The following PRORP variants were observed in gnomAD, a reference collection of about 807,000 sequenced individuals.
The protein encoded by PRORP is protein only RNase P catalytic subunit.
Under a neutral mutation model 59.4 loss-of-function variants are expected in PRORP, and 51 were observed. The ratio of observed to expected loss-of-function variants is 0.86; its 90% CI spans 0.69 to 1.08. The LOEUF (loss-of-function observed/expected upper bound fraction) is 1.08, where lower values mean the gene tolerates loss of function less well. PRORP is among the 50% of genes least tolerant of loss of function. PRORP has a pLI of 0.00. For missense variants in PRORP, 646 were observed against 690.3 expected (o/e 0.94, Z 0.72); for synonymous variants, 231 against 245.6 (o/e 0.94, Z 0.55).
At chr14:35,164,146 A>G (rs1370869862) in intron 4 of PRORP, among the ~76,000 whole-genome samples, 1 of 152,176 alleles carries the variant, frequency 6.6e-6, no homozygotes, top group East Asian at 1.9e-4. Context: ...TTTTTGTACC[A>G]GTATGAGGCT....
At chr14:35,196,279 G>A (rs946416343) in intron 5 of PRORP, among the ~76,000 whole-genome samples, 6 of 152,146 alleles carry the variant, frequency 3.9e-5, no homozygotes, top group African/African-American at 7.2e-5. Flanking sequence ...GTTAGAGACC[G>A]GCCTGGGCAA....
chr14:35,133,966 C>T (rs1348927080), intron 4 of PRORP, among the ~76,000 whole-genome samples: 2 of 152,200 alleles, frequency 1.3e-5, no homozygotes, highest in Non-Finnish European at 2.9e-5. Context: ...CCAAAGCCTG[C>T]TTAACTACTC....
intron 5 of PRORP, among the ~76,000 whole-genome samples, chr14:35,244,036 T>C (rs1243092872): frequency 2.0e-5 from 3 of 152,214 alleles, no homozygotes; most frequent in Non-Finnish European, 4.4e-5. Context: ...GATTCAAGTA[T>C]AGTGAATACA....
At position 35,165,560 on chromosome 14, in the gene PRORP, A is replaced by C. The variant is rs185197308; in HGVS notation, c.1168-15110A>C. ...ACTATGTAAGTTTATGATATTATTT[A>C]TTTGACTTGGAAGTGTGTAGGATTT... On this transcript the variant is annotated intron_variant, in intron 4 of 7. Coordinates refer to ENST00000534898, the MANE Select transcript of PRORP (RefSeq NM_014672.4). Among the ~76,000 whole-genome samples the C allele has an allele frequency of 2.6e-5, 4 of 152,306 alleles. No homozygotes were observed. In the East Asian group the frequency reaches 7.7e-4, roughly 29 times the overall value.
At chr14:35,271,159 T>C (rs937780689) in intron 7 of PRORP, among the ~76,000 whole-genome samples, 2 of 144,032 alleles carry the variant, frequency 1.4e-5, no homozygotes, top group Non-Finnish European at 3.1e-5. Flanking sequence ...ATGACTTCTT[T>C]TTTTTTTTTT....
chr14:35,215,805 C>T (rs559022724), intron 5 of PRORP, among the ~76,000 whole-genome samples: 10 of 151,636 alleles, frequency 6.6e-5, no homozygotes, highest in South Asian at 2.1e-4. Flanking sequence ...CTCACCCTGT[C>T]GCCCAGACTA....
chr14:35,176,754 C>T (rs1006816044), intron 4 of PRORP, among the ~76,000 whole-genome samples: 4 of 152,136 alleles, frequency 2.6e-5, no homozygotes, highest in African/African-American at 4.8e-5. Context: ...GCCTGATTGT[C>T]CTGGCCAGAA....
At chr14:35,126,382 G>A (rs991323633) in intron 2 of PRORP, among the ~76,000 whole-genome samples, 1 of 152,228 alleles carries the variant, frequency 6.6e-6, no homozygotes, top group Non-Finnish European at 1.5e-5. Flanking sequence ...ACAGTGGTGT[G>A]TAAGAGGTAA....
chr14:35,209,645 T>C (rs1461763647), intron 5 of PRORP, among the ~76,000 whole-genome samples: 1 of 152,174 alleles, frequency 6.6e-6, no homozygotes, highest in Non-Finnish European at 1.5e-5. Context: ...CAAGCGATTC[T>C]CCTGCCTCAG....
At chr14:35,243,307 A>G (rs576584985) in intron 5 of PRORP, among the ~76,000 whole-genome samples, 60 of 152,206 alleles carry the variant, frequency 3.9e-4, no homozygotes, top group African/African-American at 1.3e-3. Flanking sequence ...AGAGGCAGGC[A>G]GATCTCTTGA....
intron 4 of PRORP, among the ~76,000 whole-genome samples, chr14:35,130,568 G>A (rs1350065914): frequency 6.6e-6 from 1 of 150,546 alleles, no homozygotes; most frequent in African/African-American, 2.4e-5. Flanking sequence ...TCCAACCTCC[G>A]CCCCCACTGG....
At chr14:35,200,234 C>G (rs981505306) in intron 5 of PRORP, among the ~76,000 whole-genome samples, 4 of 151,896 alleles carry the variant, frequency 2.6e-5, no homozygotes, top group Non-Finnish European at 2.9e-5. Flanking sequence ...ACTCTGTTGC[C>G]CAGGCTAGAG....
intron 5 of PRORP, among the ~76,000 whole-genome samples, chr14:35,241,318 C>A (rs1452495712): frequency 2.0e-5 from 3 of 151,732 alleles, no homozygotes; most frequent in Non-Finnish European, 4.4e-5. Flanking sequence ...GCAGAGGTTG[C>A]AGTGAGCTGA....
Position 35,266,739 on chromosome 14 carries a change from G to T in PRORP, c.1288G>T (p.Val430Phe). Residue 430 changes from valine to phenylalanine, a missense_variant, in exon 6 of 8, where the codon GTC becomes TTC. Coordinates refer to ENST00000534898, the MANE Select transcript of PRORP (RefSeq NM_014672.4). ...VRESQLLLNV[V>F]SQLAKRNLRL... is the part of the protein sequence containing the mutation. ...TTGTGTTTTTTAGCTCTTGAATGTCGTCTCTCAACTAGCCAAACGGAATCT... is the reference window on the plus strand; with the variant it reads ...TTGTGTTTTTTAGCTCTTGAATGTCTTCTCTCAACTAGCCAAACGGAATCT... 6.2e-7 allele frequency: 1 copy of T among 1,613,658 alleles called. No individual in the cohort carries two copies. Among genetic ancestry groups the T allele is most frequent in the South Asian group, 1.1e-5 (1 of 91,026 alleles).
At chr14:35,227,477 A>G (rs2049964944) in intron 5 of PRORP, among the ~76,000 whole-genome samples, 1 of 152,068 alleles carries the variant, frequency 6.6e-6, no homozygotes, top group Non-Finnish European at 1.5e-5. Flanking sequence ...ACAATACAAC[A>G]CATTGGCATA....
At position 35,132,048 on chromosome 14, in the gene PRORP, A is replaced by G. The variant is rs998516013; in HGVS notation, c.1167+4437A>G. On this transcript the variant is annotated intron_variant, in intron 4 of 7. Coordinates refer to ENST00000534898, the MANE Select transcript of PRORP (RefSeq NM_014672.4). Reference sequence around the variant, plus strand: ...AGCGACGGGTTTCACCATGTTGGCCAGGCTGGTCTCGAACTCCTGACCTGA... The same window carrying G: ...AGCGACGGGTTTCACCATGTTGGCCGGGCTGGTCTCGAACTCCTGACCTGA... Among the ~76,000 whole-genome samples, 18 of 150,392 alleles carry G rather than the reference A, an allele frequency of 1.2e-4. 1 individual carries two copies. Among genetic ancestry groups the G allele is most frequent in the Middle Eastern group, 3.4e-3 (1 of 294 alleles).
intron 5 of PRORP, among the ~76,000 whole-genome samples, chr14:35,201,519 C>A (rs1030183497): frequency 1.3e-5 from 2 of 151,482 alleles, no homozygotes; most frequent in African/African-American, 2.4e-5. Context: ...CAGTGTTCTA[C>A]CTTTGGCCAT....
At chr14:35,129,074 G>A (rs375342493) in intron 4 of PRORP, among the ~76,000 whole-genome samples, 8 of 151,974 alleles carry the variant, frequency 5.3e-5, no homozygotes, top group South Asian at 2.1e-4. Flanking sequence ...TGGGCATGGC[G>A]GCGCACGCTG....
chr14:35,224,416 G>A (rs971862697), intron 5 of PRORP, among the ~76,000 whole-genome samples: 10 of 152,104 alleles, frequency 6.6e-5, no homozygotes, highest in Non-Finnish European at 4.4e-5. Flanking sequence ...ATAGCAAGTG[G>A]AATCTCCTAT....
Sources: allele counts gnomAD v4.1 joint callset (sites outside exome capture counted in the v4.1 genomes callset), GRCh38; gene constraint gnomAD v4.1.1; transcripts MANE v1.5; gene names NCBI Gene and HGNC (gene_info 2026-07-23, HGNC 2026-07-21).